The following FOXP2 variants were observed in gnomAD, a reference collection of about 807,000 sequenced individuals.
The protein encoded by FOXP2 is forkhead box P2.
Under a neutral mutation model 115.8 loss-of-function variants are expected in FOXP2, and 12 were observed. That is an observed-to-expected ratio of 0.10 (90% CI 0.07 to 0.17). The LOEUF (loss-of-function observed/expected upper bound fraction) is 0.17. Ranked by LOEUF, FOXP2 falls within the 10% of genes least tolerant of loss-of-function variation. The pLI, the probability that FOXP2 is intolerant of heterozygous loss-of-function variation, is 1.00. For missense variants in FOXP2, 629 were observed against 843.5 expected (o/e 0.75, Z 3.15); for synonymous variants, 328 against 297.7 (o/e 1.10, Z -1.05).
intron 2 of FOXP2, among the ~76,000 whole-genome samples, chr7:114,510,275 T>C (rs1798008121): frequency 6.6e-6 from 1 of 152,168 alleles, no homozygotes; most frequent in South Asian, 2.1e-4. Context: ...ATTTTCATTT[T>C]CCATGACTGA....
At position 114,534,672 on chromosome 7, in the gene FOXP2, C is replaced by A; in HGVS notation, c.224C>A (p.Ser75Tyr). The A allele has an allele frequency of 6.2e-7, 1 of 1,611,958 alleles. No individual in the cohort carries two copies. The highest frequency in any genetic ancestry group is 8.5e-7 in the Non-Finnish European group (1 of 1,178,522). The change falls in exon 3 of 17, where the codon TCT becomes TAT. Residue 75 changes from serine (S) to tyrosine (Y), a missense_variant. Ser to Tyr is a moderately radical substitution (Grantham distance 144, BLOSUM62 -2). Around this residue, in one of 9 missense-constraint regions of FOXP2, gnomAD observed 91 missense variants for 98.3 expected, o/e 0.93. Transcript: ENST00000350908. Reference protein sequence around the residue: ...LLQQQTSGLKSPKSSDKQRPL... With the variant: ...LLQQQTSGLKYPKSSDKQRPL... ...CAGCAGCAAACAAGTGGATTGAAAT[C>A]TCCTAAGAGCAGTGATAAACAGAGA...
intron 1 of FOXP2, among the ~76,000 whole-genome samples, chr7:114,209,011 G>T (rs1282513256): frequency 6.6e-6 from 1 of 152,064 alleles, no homozygotes; most frequent in East Asian, 1.9e-4. Flanking sequence ...GAAGTGGAAT[G>T]ATATGGTTTG....
chr7:114,362,295 C>A (rs1446886146), intron 2 of FOXP2, among the ~76,000 whole-genome samples: 7 of 151,876 alleles, frequency 4.6e-5, no homozygotes, highest in Non-Finnish European at 8.8e-5. Flanking sequence ...CAATGAATAA[C>A]CTTAATGCTT....
At chr7:114,110,029 GT>G (rs1407182623) in intron 1 of FOXP2, among the ~76,000 whole-genome samples, 2 of 152,104 alleles carry the variant, frequency 1.3e-5, no homozygotes, top group African/African-American at 4.8e-5. Flanking sequence ...CTGTGCATAA[GT>G]AAAGTTCCAC....
intron 2 of FOXP2, among the ~76,000 whole-genome samples, chr7:114,480,851 A>G (rs948163362): frequency 3.3e-5 from 5 of 151,056 alleles, no homozygotes; most frequent in Admixed American, 6.6e-5. Context: ...TGCTCTAAAG[A>G]GTTGACAGTG....
chr7:114,151,715 A>G (rs1389414546), intron 1 of FOXP2, among the ~76,000 whole-genome samples: 1 of 152,146 alleles, frequency 6.6e-6, no homozygotes, highest in Non-Finnish European at 1.5e-5. Flanking sequence ...ATTTCATGCA[A>G]TACTAAGTTT....
At chr7:114,217,158 C>G (rs914435588) in intron 1 of FOXP2, among the ~76,000 whole-genome samples, 1 of 152,006 alleles carries the variant, frequency 6.6e-6, no homozygotes, top group African/African-American at 2.4e-5. Context: ...GGAAGTAAAA[C>G]GCATGGTTTG....
chr7:114,295,553 T>C (rs147428318), intron 2 of FOXP2, among the ~76,000 whole-genome samples: 256 of 152,348 alleles, frequency 1.7e-3, no homozygotes, highest in East Asian at 4.8e-3. Context: ...TTTTCCCCTA[T>C]ATGATATCCA....
At chr7:114,300,237 A>G (rs1247460811) in intron 2 of FOXP2, among the ~76,000 whole-genome samples, 3 of 152,158 alleles carry the variant, frequency 2.0e-5, no homozygotes, top group African/African-American at 7.2e-5. Context: ...GATTCAATCT[A>G]TATAACCATA....
intron 2 of FOXP2, among the ~76,000 whole-genome samples, chr7:114,495,285 G>T (rs924288357): frequency 6.6e-6 from 1 of 152,018 alleles, no homozygotes; most frequent in African/African-American, 2.4e-5. Flanking sequence ...CATTGCAATT[G>T]CAAGGTTCTG....
chr7:114,103,871 A>G (rs1392494030), intron 1 of FOXP2, among the ~76,000 whole-genome samples: 1 of 152,024 alleles, frequency 6.6e-6, no homozygotes, highest in Non-Finnish European at 1.5e-5. Context: ...CTAACCCATA[A>G]TAGCCATTCC....
At chr7:114,200,983 T>A (rs1202129734) in intron 1 of FOXP2, among the ~76,000 whole-genome samples, 1 of 151,952 alleles carries the variant, frequency 6.6e-6, no homozygotes, top group Non-Finnish European at 1.5e-5. Context: ...GGTGAAACCC[T>A]GTTTCTACTA....
At chr7:114,448,402 G>T (rs1472035502) in intron 2 of FOXP2, among the ~76,000 whole-genome samples, 3 of 152,046 alleles carry the variant, frequency 2.0e-5, no homozygotes, top group Admixed American at 2.0e-4. Flanking sequence ...TGTACCTGGG[G>T]CGCAGGCAGA....
chr7:114,467,451 A>G (rs968950824), intron 2 of FOXP2, among the ~76,000 whole-genome samples: 1 of 152,168 alleles, frequency 6.6e-6, no homozygotes, highest in African/African-American at 2.4e-5. Flanking sequence ...AGAAAAGTGA[A>G]GAGTGAGAGT....
chr7:114,317,147 CT>C (rs1199260871), intron 2 of FOXP2, among the ~76,000 whole-genome samples: 1 of 152,190 alleles, frequency 6.6e-6, no homozygotes, highest in Non-Finnish European at 1.5e-5. Flanking sequence ...CCCATGTCCC[CT>C]GGTCCTCCAT....
intron 1 of FOXP2, among the ~76,000 whole-genome samples, chr7:114,176,298 T>TCTCTCTTTCTTTCTTTCTTTCTCTCTC: frequency 1.3e-5 from 1 of 76,578 alleles, no homozygotes; most frequent in East Asian, 4.9e-4. Flanking sequence ...CTTTCTTTCT[T>TCTCTCTTTCTTTCTTTCTTTCTCTCTC]TCTCTCTCTC....
chr7:114,557,787 CTTTATTTA>C (rs59243864), intron 3 of FOXP2, among the ~76,000 whole-genome samples: 5,015 of 148,188 alleles, frequency 0.034, 238 homozygotes, highest in African/African-American at 0.11. Context: ...ACTGAACTGA[CTTTATTTA>C]TTTATTTATT....
chr7:114,450,810 G>A (rs1418075856), intron 2 of FOXP2, among the ~76,000 whole-genome samples: 5 of 151,982 alleles, frequency 3.3e-5, no homozygotes, highest in Non-Finnish European at 7.4e-5. Flanking sequence ...ACCCCTGGAA[G>A]TACATAGAGG....
chr7:114,117,467 T>A (rs1791441527), intron 1 of FOXP2, among the ~76,000 whole-genome samples: 1 of 151,942 alleles, frequency 6.6e-6, no homozygotes, highest in East Asian at 1.9e-4. Context: ...AGTGATTCAC[T>A]TGCCTTTGCC....
Sources: gnomAD v4.1 joint callset for allele counts (sites outside exome capture counted in the v4.1 genomes callset) on GRCh38, gnomAD v4.1.1 for gene constraint, gnomAD v4.1.1 regional missense constraint, MANE v1.5 for transcripts, NCBI Gene and HGNC (gene_info 2026-07-23, HGNC 2026-07-21) for gene names.